The following MAGED1 variants were observed in gnomAD, a reference collection of about 807,000 sequenced individuals.
The protein encoded by MAGED1 is MAGE family member D1.
Under a neutral mutation model 54.1 loss-of-function variants are expected in MAGED1, and 3 were observed. That is an observed-to-expected ratio of 0.06 (90% CI 0.03 to 0.14). The LOEUF (loss-of-function observed/expected upper bound fraction) is 0.14, where lower values mean the gene tolerates loss of function less well. Among genes scored for constraint, MAGED1 ranks in the 10% least tolerant of loss-of-function variants. The pLI is 1.00. For missense variants in MAGED1, 485 were observed against 623.4 expected, an observed-to-expected ratio of 0.78 and a Z score of 2.36; for synonymous variants, 217 against 227.3, an observed-to-expected ratio of 0.95 and a Z score of 0.41.
At chrX:51,809,455 A>G (rs1339968885) in intron 1 of MAGED1, among the ~76,000 whole-genome samples, 1 of 111,821 alleles carries the variant, frequency 8.9e-6, no homozygotes, top group Non-Finnish European at 1.9e-5. Context: ...GATTAATTCA[A>G]GAAACTACGT....
At chrX:51,840,815 T>G (rs1210602321) in intron 1 of MAGED1, among the ~76,000 whole-genome samples, 10 of 110,538 alleles carry the variant, frequency 9.0e-5, no homozygotes, top group Admixed American at 5.8e-4. Context: ...GTGCCACATT[T>G]TCTTAATCCA....
chrX:51,807,954 C>G (rs782219778), intron 1 of MAGED1, among the ~76,000 whole-genome samples: 1 of 111,691 alleles, frequency 9.0e-6, no homozygotes, highest in African/African-American at 3.3e-5. Flanking sequence ...TCTTGGCATT[C>G]TGATTGAGAT....
At chrX:51,803,883 C>T (rs1924945337) in intron 1 of MAGED1, among the ~76,000 whole-genome samples, 1 of 110,330 alleles carries the variant, frequency 9.1e-6, no homozygotes, top group Non-Finnish European at 1.9e-5. Flanking sequence ...TACCTGTAAC[C>T]TGGTTTCAGC....
chrX:51,812,028 G>A (rs781941416), intron 1 of MAGED1, among the ~76,000 whole-genome samples: 2 of 110,519 alleles, frequency 1.8e-5, no homozygotes, highest in Non-Finnish European at 3.8e-5. Context: ...TGCAACAGCG[G>A]TGCTATGCTA....
intron 1 of MAGED1, among the ~76,000 whole-genome samples, chrX:51,881,384 TTC>T (rs1928047417): frequency 9.1e-6 from 1 of 109,896 alleles, no homozygotes; most frequent in African/African-American, 3.3e-5. Context: ...TTACATCCTC[TTC>T]TCTTTCCTCT....
intron 1 of MAGED1, among the ~76,000 whole-genome samples, chrX:51,874,690 G>C (rs1690134701): frequency 9.1e-6 from 1 of 110,496 alleles, no homozygotes; most frequent in Non-Finnish European, 1.9e-5. Flanking sequence ...TGGACACATG[G>C]AAATAGTTAT....
intron 1 of MAGED1, among the ~76,000 whole-genome samples, chrX:51,808,612 G>C (rs1025330875): frequency 9.0e-6 from 1 of 111,712 alleles, no homozygotes; most frequent in African/African-American, 3.3e-5. Context: ...GGGAGGCTGA[G>C]GGGGGAGGAT....
chrX:51,884,429 C>A (rs1928170610), intron 1 of MAGED1, among the ~76,000 whole-genome samples: 1 of 111,951 alleles, frequency 8.9e-6, no homozygotes, highest in African/African-American at 3.2e-5. Flanking sequence ...AATAAAATAT[C>A]CTTTAGTAAT....
At chrX:51,805,990 T>G (rs1016876325) in intron 1 of MAGED1, among the ~76,000 whole-genome samples, 7 of 87,770 alleles carry the variant, frequency 8.0e-5, no homozygotes, top group Admixed American at 1.3e-4. Flanking sequence ...TTTTTTTTTT[T>G]TTTGATGGAG....
At position 51,896,773 on chromosome X, in the gene MAGED1, C is replaced by T. The variant is rs1569556046; in HGVS notation, c.1118C>T (p.Ala373Val). Reference sequence around the variant, plus strand: ...CCTGTTGTCTGGCCGAATCCACTGGCCTGGCAGAATCCACCTGGATGGCAG... The same window carrying T: ...CCTGTTGTCTGGCCGAATCCACTGGTCTGGCAGAATCCACCTGGATGGCAG... ...PGPVVWPNPLAWQNPPGWQTP... is the reference protein window; with the variant it reads ...PGPVVWPNPLVWQNPPGWQTP... Residue 373 changes from alanine to valine, a missense_variant, in exon 4 of 13, where the codon GCC (alanine) becomes GTC (valine). Around this residue, in one of 2 missense-constraint regions of MAGED1, gnomAD observed 299 missense variants for 293.1 expected, o/e 1.02. Coordinates refer to ENST00000326587, the MANE Select transcript of MAGED1 (RefSeq NM_006986.4). 8.3e-7 allele frequency: 1 copy of T among 1,211,106 alleles called. No homozygotes were observed. The highest frequency in any genetic ancestry group is 1.1e-6 in the Non-Finnish European group (1 of 895,015).
At chrX:51,817,482 T>C (rs959542748) in intron 1 of MAGED1, among the ~76,000 whole-genome samples, 43 of 112,218 alleles carry the variant, frequency 3.8e-4, no homozygotes, top group African/African-American at 1.3e-3. Context: ...ATTTGGCTAA[T>C]GTGTTCTATT....
intron 1 of MAGED1, among the ~76,000 whole-genome samples, chrX:51,806,620 T>C (rs1925044891): frequency 9.0e-6 from 1 of 111,557 alleles, no homozygotes; most frequent in Non-Finnish European, 1.9e-5. Flanking sequence ...AGCTTGCAAA[T>C]AGTATTGTGA....
chrX:51,899,149 T>G (rs1371297797), intron 10 of MAGED1: 3 of 112,804 alleles, frequency 2.7e-5, no homozygotes, highest in African/African-American at 9.7e-5. Flanking sequence ...ATTTTTTATT[T>G]TTTTATTTTT....
chrX:51,884,712 C>T (rs1928178885), intron 1 of MAGED1, among the ~76,000 whole-genome samples: 1 of 111,808 alleles, frequency 8.9e-6, no homozygotes, highest in Admixed American at 9.5e-5. Context: ...CGAACATAGA[C>T]GCAAAAGTCT....
chrX:51,808,748 C>T (rs1432968516), intron 1 of MAGED1, among the ~76,000 whole-genome samples: 1 of 111,675 alleles, frequency 9.0e-6, no homozygotes, highest in Non-Finnish European at 1.9e-5. Context: ...TGTATCCATT[C>T]CCCAGCTTCA....
intron 1 of MAGED1, among the ~76,000 whole-genome samples, chrX:51,828,751 A>C (rs1925950839): frequency 8.9e-6 from 1 of 111,736 alleles, no homozygotes; most frequent in African/African-American, 3.2e-5. Flanking sequence ...TGTATTTTTA[A>C]ATTTTTCTTG....
At chrX:51,894,152 C>CCGT in intron 1 of MAGED1, 117 bp from the exon 2 acceptor site, 1 of 460,306 alleles carries the variant, frequency 2.2e-6, no homozygotes, top group Non-Finnish European at 3.9e-6. Flanking sequence ...CCGCTCCGAT[C>CCGT]CGTTCCTCCT....
intron 1 of MAGED1, among the ~76,000 whole-genome samples, chrX:51,885,982 A>G (rs1196745515): frequency 1.8e-5 from 2 of 110,009 alleles, no homozygotes; most frequent in Non-Finnish European, 3.8e-5. Context: ...AGCAACATGG[A>G]TGGAACTGGA....
At chrX:51,890,964 ATGT>A (rs1230160086), upstream of MAGED1, among the ~76,000 whole-genome samples, 4 of 111,590 alleles carry the variant, frequency 3.6e-5, no homozygotes, top group Non-Finnish European at 3.8e-5. Context: ...TTTTATTGCA[ATGT>A]TGTTGTATTG....
Sources: gnomAD v4.1 joint callset for allele counts (sites outside exome capture counted in the v4.1 genomes callset) on GRCh38, gnomAD v4.1.1 for gene constraint, gnomAD v4.1.1 regional missense constraint, MANE v1.5 for transcripts, NCBI Gene and HGNC (gene_info 2026-07-23, HGNC 2026-07-21) for gene names.